Variants in NXN observed in about 807,000 individuals in gnomAD.
NXN encodes the protein nucleoredoxin.
A neutral mutation model predicts 48.6 loss-of-function variants in NXN; 16 were observed. The observed-to-expected ratio is 0.33, with a 90% CI of 0.22 to 0.50. NXN has a LOEUF of 0.50. NXN is among the 20% of genes least tolerant of loss of function. The probability of loss-of-function intolerance (pLI) is 0.98; values close to 1 mark genes in which losing one functional copy is unlikely to be tolerated. For synonymous variants in NXN, 281 were observed against 269.6 expected (o/e 1.04, Z -0.41); for missense variants, 492 against 605.5 (o/e 0.81, Z 1.97).
chr17:809,314 G>A (rs558723305), intron 5 of NXN, among the ~76,000 whole-genome samples: 2 of 152,280 alleles, frequency 1.3e-5, no homozygotes, highest in South Asian at 4.2e-4. Flanking sequence ...CCCTTTCACC[G>A]TCTCCCTCAA....
chr17:973,569 A>G (rs2069417930), intron 1 of NXN, among the ~76,000 whole-genome samples: 1 of 152,252 alleles, frequency 6.6e-6, no homozygotes, highest in African/African-American at 2.4e-5. Flanking sequence ...ATAGAAATAC[A>G]GAGCTCAGTA....
chr17:924,727 CCG>C (rs1491457969), intron 1 of NXN, among the ~76,000 whole-genome samples: 7 of 152,120 alleles, frequency 4.6e-5, no homozygotes, highest in African/African-American at 7.2e-5. Flanking sequence ...CCGTTCCGTT[CCG>C]TTCCGTTCCC....
At chr17:911,541 G>T (rs559681784) in intron 1 of NXN, among the ~76,000 whole-genome samples, 1 of 151,990 alleles carries the variant, frequency 6.6e-6, no homozygotes, top group Admixed American at 6.6e-5. Flanking sequence ...GTGTTAGCCA[G>T]GATGGTCTCG....
intron 1 of NXN, among the ~76,000 whole-genome samples, chr17:876,310 G>C (rs2068215347): frequency 6.6e-6 from 1 of 151,986 alleles, no homozygotes; most frequent in Non-Finnish European, 1.5e-5. Flanking sequence ...GGCTCCCAAA[G>C]TGAATACTAA....
intron 1 of NXN, among the ~76,000 whole-genome samples, chr17:955,764 T>C (rs1438664995): frequency 1.3e-5 from 2 of 150,712 alleles, no homozygotes; most frequent in Non-Finnish European, 1.5e-5. Context: ...TAGCCGGGCG[T>C]GGTGGCGGGC....
intron 1 of NXN, among the ~76,000 whole-genome samples, chr17:957,122 G>C (rs571561855): frequency 1.4e-5 from 2 of 145,536 alleles, no homozygotes; most frequent in East Asian, 3.9e-4. Flanking sequence ...CAGGGGCCTG[G>C]CGGAGCTGAG....
intron 1 of NXN, among the ~76,000 whole-genome samples, chr17:912,711 G>A (rs1401578724): frequency 7.2e-5 from 11 of 152,144 alleles, no homozygotes; most frequent in Admixed American, 7.2e-4. Context: ...GATTACATTT[G>A]GGAGGCCGAT....
At chr17:913,104 A>G (rs1369212392) in intron 1 of NXN, among the ~76,000 whole-genome samples, 1 of 152,222 alleles carries the variant, frequency 6.6e-6, no homozygotes, top group East Asian at 1.9e-4. Context: ...GAAGTTTTAT[A>G]TTACAGTCAT....
At chr17:918,917 C>T (rs1383074637) in intron 1 of NXN, among the ~76,000 whole-genome samples, 1 of 150,814 alleles carries the variant, frequency 6.6e-6, no homozygotes, top group African/African-American at 2.4e-5. Context: ...AATGTCTCTG[C>T]AGCCAGGCAA....
intron 1 of NXN, chr17:896,857 A>AGGGGGG: frequency 3.3e-5 from 19 of 577,914 alleles, no homozygotes; most frequent in Non-Finnish European, 4.8e-5. Context: ...GGTCCTGACC[A>AGGGGGG]CCCGCCCCCG....
chr17:964,666 T>C (rs2069281096), intron 1 of NXN, among the ~76,000 whole-genome samples: 1 of 152,230 alleles, frequency 6.6e-6, no homozygotes, highest in African/African-American at 2.4e-5. Flanking sequence ...AACTGCAATG[T>C]ATATTACAGA....
At chr17:889,078 T>C (rs1390705431) in intron 1 of NXN, among the ~76,000 whole-genome samples, 3 of 151,736 alleles carry the variant, frequency 2.0e-5, no homozygotes, top group Non-Finnish European at 4.4e-5. Flanking sequence ...AAGACACTAA[T>C]GTTTGTGGTT....
chr17:838,421 C>T (rs1597648932), intron 1 of NXN, among the ~76,000 whole-genome samples: 2 of 152,114 alleles, frequency 1.3e-5, no homozygotes, highest in South Asian at 2.1e-4. Flanking sequence ...CGTGAGCCAC[C>T]GCGCCCGGCC....
intron 6 of NXN, 45 bp downstream of exon 6, chr17:805,023 C>CCCCCCCCACCCCCCCCA: frequency 5.3e-6 from 8 of 1,505,606 alleles, no homozygotes; most frequent in East Asian, 2.5e-5. Context: ...CCTCCTGTCC[C>CCCCCCCCACCCCCCCCA]GCCCCCCAGC....
intron 1 of NXN, among the ~76,000 whole-genome samples, chr17:931,009 T>A (rs2068847628): frequency 6.6e-6 from 1 of 152,088 alleles, no homozygotes; most frequent in African/African-American, 2.4e-5. Context: ...GACCTCATGA[T>A]CCGCCCGACT....
chr17:811,508 T>C (rs1257105712), intron 5 of NXN, among the ~76,000 whole-genome samples: 4 of 127,576 alleles, frequency 3.1e-5, no homozygotes, highest in Admixed American at 2.3e-4. Flanking sequence ...AGCCCCGGGG[T>C]TGGGGGGGGG....
intron 1 of NXN, among the ~76,000 whole-genome samples, chr17:896,277 T>G (rs1213691703): frequency 2.0e-5 from 3 of 150,386 alleles, no homozygotes; most frequent in Admixed American, 2.0e-4. Flanking sequence ...GAGGCAGAGG[T>G]TGCAGTGAGC....
chr17:847,143 C>T (rs774816540), intron 1 of NXN, among the ~76,000 whole-genome samples: 10 of 152,128 alleles, frequency 6.6e-5, no homozygotes, highest in African/African-American at 9.6e-5. Flanking sequence ...CGGCACCGTC[C>T]GTACCTGTCC....
chr17:904,330 A>G (rs1597228958), intron 1 of NXN, among the ~76,000 whole-genome samples: 1 of 152,114 alleles, frequency 6.6e-6, no homozygotes, highest in Non-Finnish European at 1.5e-5. Flanking sequence ...GACTGGCCCC[A>G]GTTTTATGGT....
Sources: allele counts gnomAD v4.1 joint callset (sites outside exome capture counted in the v4.1 genomes callset), GRCh38; gene constraint gnomAD v4.1.1; transcripts MANE v1.5; gene names NCBI Gene and HGNC (gene_info 2026-07-23, HGNC 2026-07-21).